Variants in TOP2A observed in about 807,000 individuals in gnomAD.
TOP2A encodes DNA topoisomerase II alpha, also known as DNA topoisomerase 2-alpha.
In TOP2A, 68 loss-of-function variants were observed where a neutral mutation model predicts 187.2. That is an observed-to-expected ratio of 0.36 (90% CI 0.30 to 0.44). The LOEUF (loss-of-function observed/expected upper bound fraction) is 0.44. Ranked by LOEUF, TOP2A falls within the 20% of genes least tolerant of loss-of-function variation. The pLI, the probability that TOP2A is intolerant of heterozygous loss-of-function variation, is 1.00. For missense variants in TOP2A, 1,196 were observed against 1,808.7 expected (o/e 0.66, Z 6.14); for synonymous variants, 542 against 593.2 (o/e 0.91, Z 1.25).
At chr17:40,409,421 A>G (rs1175778056) in intron 10 of TOP2A, 3 of 428,240 alleles carry the variant, frequency 7.0e-6, no homozygotes, top group East Asian at 7.3e-5. Context: ...CACAAATAAA[A>G]CAAATTGAGA....
At chr17:40,414,530 T>C (rs1256167771) in intron 4 of TOP2A, among the ~76,000 whole-genome samples, 1 of 151,674 alleles carries the variant, frequency 6.6e-6, no homozygotes, top group Non-Finnish European at 1.5e-5. Context: ...CATCTATACA[T>C]CTCGTTCCCA....
intron 1 of TOP2A, 117 bp downstream of exon 1, chr17:40,417,654 G>T (rs1318102534): frequency 6.4e-7 from 1 of 1,555,504 alleles, no homozygotes; most frequent in Non-Finnish European, 8.7e-7. Flanking sequence ...GAGAATATGG[G>T]CTCCCAAGCC....
At chr17:40,390,785 C>A (rs2035014267) in intron 33 of TOP2A, among the ~76,000 whole-genome samples, 1 of 151,868 alleles carries the variant, frequency 6.6e-6, no homozygotes, top group Non-Finnish European at 1.5e-5. Flanking sequence ...GCCACCACAC[C>A]TGGCTAATTT....
intron 20 of TOP2A, among the ~76,000 whole-genome samples, chr17:40,402,697 C>A (rs1486662317): frequency 6.6e-6 from 1 of 152,176 alleles, no homozygotes; most frequent in Non-Finnish European, 1.5e-5. Context: ...CCAAGCTCTA[C>A]ATCAGGATTT....
At position 40,395,440 on chromosome 17, in the gene TOP2A, T is replaced by C. The variant is rs921887363; in HGVS notation, c.3811+9A>G. 3.8e-6 allele frequency: 6 copies of C among 1,574,066 alleles called. No homozygotes were observed. The Admixed American group carries it at 5.2e-5, about 14-fold the overall frequency. On this transcript the variant is annotated intron_variant, in intron 29 of 34. Transcript: ENST00000423485. ...ACTTTATACCATTTTTCTAAAAATG[T>C]TGTAATACCTGGTTCTCTTTTCTGT...
chr17:40,398,126 T>C (rs1598610821), intron 27 of TOP2A, among the ~76,000 whole-genome samples: 1 of 148,894 alleles, frequency 6.7e-6, no homozygotes, highest in South Asian at 2.2e-4. Flanking sequence ...TTTTTTTTTT[T>C]TTTTTGAGAC....
chr17:40,394,330 G>A (rs1256375351), intron 29 of TOP2A, among the ~76,000 whole-genome samples: 1 of 151,974 alleles, frequency 6.6e-6, no homozygotes, highest in African/African-American at 2.4e-5. Context: ...CCACTGAATG[G>A]CATACTTTAT....
In TOP2A at chr17:40,396,409, C is replaced by T. The variant is rs758517785; in HGVS notation, c.3594G>A (p.Gly1198=). 3.0e-5 allele frequency: 48 copies of T among 1,613,684 alleles called. No individual in the cohort carries two copies. Among genetic ancestry groups the T allele is most frequent in the Non-Finnish European group, 4.1e-5 (48 of 1,179,730 alleles). The change falls in exon 28 of 35, where the codon GGG becomes GGA. Residue 1198 remains glycine (G), a synonymous_variant. Coordinates refer to ENST00000423485, the MANE Select transcript of TOP2A (RefSeq NM_001067.4). ...TTTGTGTTTTTTTCCCCTTGGCCTTCCCCCCTTTCCCAGGAAGTCCGACTT... is the reference window on the plus strand; with the variant it reads ...TTTGTGTTTTTTTCCCCTTGGCCTTTCCCCCTTTCCCAGGAAGTCCGACTT... ...DEQVGLPGKG[G]KAKGKKTQMA... is the part of the protein sequence containing the mutation.
chr17:40,392,520 A>G, intron 30 of TOP2A, 65 bp downstream of exon 30: 1 of 1,531,606 alleles, frequency 6.5e-7, no homozygotes, highest in Non-Finnish European at 8.8e-7. Context: ...GGGGCAAAGT[A>G]CCCTGAAGTA....
intron 11 of TOP2A, 148 bp downstream of exon 11, chr17:40,408,344 A>G: frequency 1.1e-6 from 1 of 914,008 alleles, no homozygotes; most frequent in Non-Finnish European, 1.6e-6. Flanking sequence ...TAAATCTTCC[A>G]TAATAGGAAA....
rs1277526598 is a variant in TOP2A, at chr17:40,389,643, G to A, written c.4472C>T (p.Ser1491Phe). 6.2e-7 allele frequency: 1 copy of A among 1,608,238 alleles called. No homozygotes were observed. The highest frequency in any genetic ancestry group is 1.3e-5 in the African/African-American group (1 of 74,738). The change falls in exon 35 of 35, where the codon TCC becomes TTC. Residue 1491 changes from serine to phenylalanine, a missense_variant. This residue lies in a region of TOP2A where 374 missense variants were observed against 403.3 expected (regional missense o/e 0.93). Coordinates refer to ENST00000423485, the MANE Select transcript of TOP2A (RefSeq NM_001067.4). Reference protein sequence around the residue: ...IVSKAVTSKKSKGESDDFHMD... With the variant: ...IVSKAVTSKKFKGESDDFHMD... ...ATGGAAGTCATCACTCTCCCCCTTGGATTTCTAAAAGAGAAAAGCCCAGGT... is the reference window on the plus strand; with the variant it reads ...ATGGAAGTCATCACTCTCCCCCTTGAATTTCTAAAAGAGAAAAGCCCAGGT...
chr17:40,405,239 T>A (rs1356600853), intron 16 of TOP2A, among the ~76,000 whole-genome samples: 1 of 151,980 alleles, frequency 6.6e-6, no homozygotes, highest in African/African-American at 2.4e-5. Context: ...AACCTCCACT[T>A]CCCAAGTTCA....
rs2143614233 is a variant in TOP2A, at chr17:40,389,470, C to T, written c.*49G>A. On this transcript the variant is annotated 3_prime_UTR_variant, in exon 35 of 35. Coordinates refer to ENST00000423485, the MANE Select transcript of TOP2A (RefSeq NM_001067.4). ...TTAAGAGCTTCAGGTAACTTTAAAACCAGTCTTGGGCTTGGTAAGATAATT... is the reference window on the plus strand; with the variant it reads ...TTAAGAGCTTCAGGTAACTTTAAAATCAGTCTTGGGCTTGGTAAGATAATT... 6.5e-7 allele frequency: 1 copy of T among 1,544,822 alleles called. No individual in the cohort carries two copies.
Position 40,389,624 on chromosome 17 carries a change from G to T in TOP2A, c.4491C>A (p.Asp1497Glu). The change falls in exon 35 of 35, where the codon GAC becomes GAA. Residue 1497 changes from aspartate to glutamate, a missense_variant. Physicochemically the swap from Asp to Glu is conservative, Grantham distance 45 (BLOSUM62 2). This residue lies in a region of TOP2A where 374 missense variants were observed against 403.3 expected (regional missense o/e 0.93). Transcript: ENST00000423485. ...TSKKSKGESDDFHMDFDSAVA... is the reference protein window; with the variant it reads ...TSKKSKGESDEFHMDFDSAVA... ...CAGCTGAGTCAAAGTCCATATGGAAGTCATCACTCTCCCCCTTGGATTTCT... is the reference window on the plus strand; with the variant it reads ...CAGCTGAGTCAAAGTCCATATGGAATTCATCACTCTCCCCCTTGGATTTCT... The T allele has an allele frequency of 6.2e-7, 1 of 1,610,054 alleles. No homozygotes were observed. Among genetic ancestry groups the T allele is most frequent in the Non-Finnish European group, 8.5e-7 (1 of 1,178,138 alleles).
rs1234165811 is a variant in TOP2A at position 40,417,863 on chromosome 17, G to A, written c.-72C>T. 1.9e-6 allele frequency: 3 copies of A among 1,596,318 alleles called. No individual in the cohort carries two copies. Among genetic ancestry groups the A allele is most frequent in the Non-Finnish European group, 2.6e-6 (3 of 1,169,632 alleles). ...GGCAGGACCCCACGAGACCACCCCC[G>A]ACCAAGCCGCTTCTCCACAGACGCG... On this transcript the variant is annotated 5_prime_UTR_variant, in exon 1 of 35. Coordinates refer to ENST00000423485, the MANE Select transcript of TOP2A (RefSeq NM_001067.4).
rs2035022320 is a variant in TOP2A, at chr17:40,391,571, T to C, written c.4202A>G (p.Asp1401Gly). ...SSSPPATHFP[D>G]ETEITNPVPK... is the part of the protein sequence containing the mutation. ...AACTGGGTTTGTAATTTCAGTTTCA[T>C]CTGGGAAATGTGTAGCAGGAGGGCT... The change falls in exon 33 of 35, where the codon GAT becomes GGT. Residue 1401 changes from aspartate (D) to glycine (G), a missense_variant. Physicochemically the swap from Asp to Gly is moderately conservative, Grantham distance 94. Coordinates refer to ENST00000423485, the MANE Select transcript of TOP2A (RefSeq NM_001067.4). 1 of 1,613,182 alleles carries C rather than the reference T, an allele frequency of 6.2e-7. No homozygotes were observed.
intron 27 of TOP2A, among the ~76,000 whole-genome samples, chr17:40,397,593 C>T (rs1306256584): frequency 6.6e-6 from 1 of 151,790 alleles, no homozygotes. Context: ...GTGGCTTTGT[C>T]CTTTTAAGTT....
intron 28 of TOP2A, among the ~76,000 whole-genome samples, 179 bp downstream of exon 28, chr17:40,396,104 C>T (rs1464747968): frequency 1.3e-5 from 2 of 151,346 alleles, no homozygotes; most frequent in Non-Finnish European, 2.9e-5. Context: ...CTCAGTCTCC[C>T]GAGTAGCTGG....
At position 40,408,098 on chromosome 17, in the gene TOP2A, G is replaced by GCGTA; in HGVS notation, c.1365_1368dup (p.Leu457TyrfsTer6). On this transcript the variant is annotated frameshift_variant, in exon 12 of 35. Transcript: ENST00000423485. LOFTEE classifies it high-confidence loss of function. Reference sequence around the variant, plus strand: ...GCTGAATCTCCCTCAGTCAGGATAAGCGTACACTCAGTGGAGTTTCGGCCC... The same window carrying GCGTA: ...GCTGAATCTCCCTCAGTCAGGATAAGCGTACGTACACTCAGTGGAGTTTCGGCCC... 2 of 1,610,062 alleles carry GCGTA rather than the reference G, an allele frequency of 1.2e-6. No homozygotes were observed. Among genetic ancestry groups the GCGTA allele is most frequent in the Non-Finnish European group, 1.7e-6 (2 of 1,178,116 alleles).
Sources: allele counts gnomAD v4.1 joint callset (sites outside exome capture counted in the v4.1 genomes callset), GRCh38; gene constraint gnomAD v4.1.1; regional missense constraint gnomAD v4.1.1; transcripts MANE v1.5; gene names NCBI Gene and HGNC (gene_info 2026-07-23, HGNC 2026-07-21).